EML5: variants seen among roughly 807,000 people sequenced by gnomAD.
EML5 encodes the protein echinoderm microtubule-associated protein-like 5.
A neutral mutation model predicts 250.0 loss-of-function variants in EML5; 120 were observed. That is an observed-to-expected ratio of 0.48 (90% CI 0.41 to 0.56). The LOEUF (loss-of-function observed/expected upper bound fraction) is 0.56, where lower values mean the gene tolerates loss of function less well. EML5 is among the 20% of genes least tolerant of loss of function. The pLI, the probability that EML5 is intolerant of heterozygous loss-of-function variation, is 0.00. For synonymous variants in EML5, 771 were observed against 806.5 expected (o/e 0.96, Z 0.75); for missense variants, 2,006 against 2,437.6 (o/e 0.82, Z 3.73).
intron 32 of EML5, among the ~76,000 whole-genome samples, chr14:88,637,912 T>C (rs1034949738): frequency 6.6e-6 from 1 of 152,098 alleles, no homozygotes; most frequent in Admixed American, 6.5e-5. Context: ...AGTAGAAAAC[T>C]GTACAAAAAG....
At chr14:88,650,038 G>A (rs2091545127) in intron 27 of EML5, 112 bp from the exon 28 acceptor site, 1 of 671,976 alleles carries the variant, frequency 1.5e-6, no homozygotes, top group South Asian at 4.3e-5. Context: ...AGAATTTTAA[G>A]GAAATACAAA....
Position 88,711,857 on chromosome 14 carries a change from G to A in EML5, c.1657+414C>T, listed in dbSNP as rs143159012. ...TTACCTGGGAAGCTGAGGCAGGAGGGTTGATGGAACCCAAGAGGTGGAGGC... is the reference window on the plus strand; with the variant it reads ...TTACCTGGGAAGCTGAGGCAGGAGGATTGATGGAACCCAAGAGGTGGAGGC... On this transcript the variant is annotated intron_variant, in intron 10 of 43. Coordinates refer to ENST00000554922, the MANE Select transcript of EML5 (RefSeq NM_183387.3). 9.3e-3 allele frequency among the ~76,000 whole-genome samples: 1,405 copies of A among 151,854 alleles called. 10 individuals are homozygous for A. The highest frequency in any genetic ancestry group is 0.014 in the Non-Finnish European group (962 of 67,910).
rs916792173 is a variant in EML5 at position 88,705,716 on chromosome 14, T to C, written c.1826-128A>G. The C allele has an allele frequency of 6.9e-6, 5 of 726,566 alleles. No individual in the cohort carries two copies. The African/African-American group carries it at 7.0e-5, about 10-fold the overall frequency. 45.0% of individuals were successfully genotyped at this position (726,566 alleles called of 1,614,324 possible). On this transcript the variant is annotated intron_variant, in intron 11 of 43. Coordinates refer to ENST00000554922, the MANE Select transcript of EML5 (RefSeq NM_183387.3). The stretch of plus-strand genomic sequence containing the variant: ...CAAGCCATAAAACAATCAAATGAAA[T>C]TACCTATTCAAGTGACACAGATGTC...
Position 88,615,705 on chromosome 14 carries a change from C to T in EML5, c.*113G>A. Reference sequence around the variant, plus strand: ...ACTATTTTGATGATTCTGGGCATTTCTCCCTGTTACAGTCTTGGGTTAGCA... The same window carrying T: ...ACTATTTTGATGATTCTGGGCATTTTTCCCTGTTACAGTCTTGGGTTAGCA... On this transcript the variant is annotated 3_prime_UTR_variant, in exon 44 of 44. Coordinates refer to ENST00000554922, the MANE Select transcript of EML5 (RefSeq NM_183387.3). 4 of 931,904 alleles carry T rather than the reference C, an allele frequency of 4.3e-6. No individual in the cohort carries two copies. Among genetic ancestry groups the T allele is most frequent in the Non-Finnish European group, 1.6e-6 (1 of 613,616 alleles). 57.7% of individuals were successfully genotyped at this position (931,904 alleles called of 1,614,324 possible). A position where few individuals can be genotyped will look rare whatever the true frequency, so the allele number is the denominator to read the frequency against.
chr14:88,786,360 AG>A (rs2094551148), intron 1 of EML5, among the ~76,000 whole-genome samples: 1 of 152,222 alleles, frequency 6.6e-6, no homozygotes, highest in African/African-American at 2.4e-5. Context: ...CCCACCCAGT[AG>A]ATAAAAGCTC....
At chr14:88,707,719 T>G (rs1050874479) in intron 10 of EML5, among the ~76,000 whole-genome samples, 2 of 152,288 alleles carry the variant, frequency 1.3e-5, no homozygotes, top group Admixed American at 6.5e-5. Flanking sequence ...TGCTTAATAG[T>G]AATACTGTTA....
At chr14:88,656,646 G>A (rs1210866044) in intron 27 of EML5, among the ~76,000 whole-genome samples, 3 of 151,942 alleles carry the variant, frequency 2.0e-5, no homozygotes, top group Non-Finnish European at 4.4e-5. Flanking sequence ...CTCATAAAAT[G>A]GCCTTGCATA....
In EML5 at chr14:88,612,963, G is replaced by C. The variant is rs978870843; in HGVS notation, c.*2855C>G. 1 of 144,468 alleles carries C rather than the reference G, an allele frequency of 6.9e-6. No homozygotes were observed. The highest frequency in any genetic ancestry group is 7.4e-5 in the Admixed American group (1 of 13,488). 8.9% of individuals were successfully genotyped at this position (144,468 alleles called of 1,614,324 possible). A position where few individuals can be genotyped will look rare whatever the true frequency, so the allele number is the denominator to read the frequency against. On this transcript the variant is annotated 3_prime_UTR_variant, in exon 44 of 44. Transcript: ENST00000554922. ...GTAATAAAGACTGCAACATTCTCAG[G>C]ACCAAATTAAACTGCTAAAAAAAAA...
rs376863319 is a variant in EML5 at position 88,622,624 on chromosome 14, G to A, written c.4993C>T (p.Arg1665Cys). The A allele has an allele frequency of 4.4e-6, 7 of 1,608,424 alleles. No individual in the cohort carries two copies. The highest frequency in any genetic ancestry group is 2.2e-5 in the South Asian group (2 of 89,856). Residue 1665 changes from arginine to cysteine, a missense_variant, in exon 37 of 44, where the codon CGT becomes TGT. Around this residue, in one of 7 missense-constraint regions of EML5, gnomAD observed 405 missense variants for 523.3 expected, o/e 0.77. Transcript: ENST00000554922. ...LETGQATDCV[R>C]SVCRGKGKIL... ...CTTACTTTGCCTCTGCACACAGAACGAACACAATCTGTGGCTTGTCCTGTC... is the reference window on the plus strand; with the variant it reads ...CTTACTTTGCCTCTGCACACAGAACAAACACAATCTGTGGCTTGTCCTGTC...
chr14:88,688,195 T>A, intron 18 of EML5, 76 bp downstream of exon 18: 1 of 1,430,376 alleles, frequency 7.0e-7, no homozygotes, highest in Non-Finnish European at 9.7e-7. Context: ...AGAAAGGCAG[T>A]GTTCCTTTAC....
At chr14:88,658,540 T>A (rs1281623857) in intron 25 of EML5, among the ~76,000 whole-genome samples, 152 bp from the exon 26 acceptor site, 1 of 152,126 alleles carries the variant, frequency 6.6e-6, no homozygotes, top group African/African-American at 2.4e-5. Flanking sequence ...CTCAGCAGAA[T>A]AAAAGATACC....
intron 21 of EML5, among the ~76,000 whole-genome samples, chr14:88,672,924 C>G (rs1007980809): frequency 7.9e-5 from 12 of 152,084 alleles, no homozygotes; most frequent in African/African-American, 2.9e-4. Context: ...GAGCCCAGGA[C>G]CAGACAGATT....
chr14:88,730,829 T>C (rs1465027301), intron 7 of EML5, among the ~76,000 whole-genome samples: 1 of 152,212 alleles, frequency 6.6e-6, no homozygotes, highest in Non-Finnish European at 1.5e-5. Context: ...GAAAAAAGTA[T>C]GTATAGAAAA....
intron 21 of EML5, among the ~76,000 whole-genome samples, chr14:88,674,329 A>AG (rs2092544733): frequency 6.6e-6 from 1 of 152,178 alleles, no homozygotes; most frequent in African/African-American, 2.4e-5. Context: ...TAAAGGAAAG[A>AG]GATTTAATTG....
rs199664529 is a variant in EML5, at chr14:88,650,458, G to GAACAA, written c.4005-537_4005-533dup. Among the ~76,000 whole-genome samples, 454 of 150,398 alleles carry GAACAA rather than the reference G, an allele frequency of 3.0e-3. 8 individuals carry two copies. The highest frequency in any genetic ancestry group is 7.5e-3 in the East Asian group (38 of 5,098). ...GACACAGCAAGACTCTGTCTCAAAAGAACAAAACAAAACAAAAAAATAAAA... is the reference window on the plus strand; with the variant it reads ...GACACAGCAAGACTCTGTCTCAAAAGAACAAAACAAAACAAAACAAAAAAATAAAA... On this transcript the variant is annotated intron_variant, in intron 27 of 43. Coordinates refer to ENST00000554922, the MANE Select transcript of EML5 (RefSeq NM_183387.3).
chr14:88,643,786 TCTGGC>T (rs2091200700), intron 30 of EML5, among the ~76,000 whole-genome samples: 2 of 152,224 alleles, frequency 1.3e-5, no homozygotes, highest in South Asian at 4.1e-4. Context: ...ATGCTAAAGT[TCTGGC>T]AGATAATTCT....
In EML5 at chr14:88,682,025, T is replaced by C. The variant is rs1365623112; in HGVS notation, c.2989A>G (p.Met997Val). Residue 997 changes from methionine to valine, a missense_variant, in exon 21 of 44, where the codon ATG (methionine) becomes GTG (valine). Physicochemically the swap from Met to Val is conservative, Grantham distance 21. Transcript: ENST00000554922. ...GPITLLVQGH[M>V]EGEVWGLATH... ...GCTAAACCCCACACCTCTCCTTCCA[T>C]GTGTCCCTATAAAGAAAACATAGGA... is the stretch of plus-strand genomic sequence containing the variant. The C allele has an allele frequency of 6.3e-7, 1 of 1,594,626 alleles. No homozygotes were observed. The highest frequency in any genetic ancestry group is 1.8e-5 in the Admixed American group (1 of 54,990).
At chr14:88,770,750 T>C (rs75826158) in intron 1 of EML5, among the ~76,000 whole-genome samples, 1,563 of 152,286 alleles carry the variant, frequency 0.01, 25 homozygotes, top group African/African-American at 0.036. Context: ...GCTGAACATA[T>C]AGTAAAAACT....
At position 88,745,169 on chromosome 14, in the gene EML5, G is replaced by GTT. The variant is rs138938875; in HGVS notation, c.456+1015_456+1016insAA. Among the ~76,000 whole-genome samples, 124 of 137,216 alleles carry GTT rather than the reference G, an allele frequency of 9.0e-4. No homozygotes were observed. The East Asian group carries it at 0.015, about 16-fold the overall frequency. The allele number at this position is 137,216 out of a possible 152,430, so 90.0% of individuals were successfully genotyped here. A position where few individuals can be genotyped will look rare whatever the true frequency, so the allele number is the denominator to read the frequency against. On this transcript the variant is annotated intron_variant, in intron 3 of 43. Transcript: ENST00000554922. The stretch of plus-strand genomic sequence containing the variant: ...TAATAATGGTCTAAATTGTGTGTTT[G>GTT]TGTGTGTGTGTGTGTGTGTGTGTGT...
Sources: allele counts gnomAD v4.1 joint callset (sites outside exome capture counted in the v4.1 genomes callset), GRCh38; gene constraint gnomAD v4.1.1; regional missense constraint gnomAD v4.1.1; transcripts MANE v1.5; gene names NCBI Gene and HGNC (gene_info 2026-07-23, HGNC 2026-07-21).